The following HLCS variants were observed in gnomAD, a reference collection of about 807,000 sequenced individuals.
The protein encoded by HLCS is biotin--protein ligase.
HLCS carries 53 observed loss-of-function variants against 75.0 expected under a neutral mutation model. The observed-to-expected ratio is 0.71, with a 90% CI of 0.57 to 0.89. The LOEUF (loss-of-function observed/expected upper bound fraction) is 0.89. Among genes scored for constraint, HLCS ranks in the 40% least tolerant of loss-of-function variants. HLCS has a pLI of 0.00. For missense variants in HLCS, 966 were observed against 1,074.0 expected (o/e 0.90, Z 1.41); for synonymous variants, 431 against 428.6 (o/e 1.01, Z -0.07).
chr21:36,943,402 TG>T, intron 2 of HLCS: 1 of 153,518 alleles, frequency 6.5e-6, no homozygotes, highest in Non-Finnish European at 1.5e-5. Flanking sequence ...CAGAAAGATA[TG>T]GTCTCCAAAA....
intron 6 of HLCS, among the ~76,000 whole-genome samples, chr21:36,767,854 G>A (rs1409724706): frequency 6.6e-6 from 1 of 152,190 alleles, no homozygotes; most frequent in Non-Finnish European, 1.5e-5. Context: ...GAGGACGCAG[G>A]AGAACTCTGC....
intron 5 of HLCS, among the ~76,000 whole-genome samples, chr21:36,909,250 T>C (rs1405756275): frequency 6.6e-6 from 1 of 152,236 alleles, no homozygotes; most frequent in Non-Finnish European, 1.5e-5. Flanking sequence ...ATGTTCTGTG[T>C]CTTGATTGTA....
intron 6 of HLCS, among the ~76,000 whole-genome samples, chr21:36,793,295 C>CTTTTTTTTTTTTTTTTTTTTT (rs761549990): frequency 3.4e-5 from 4 of 116,248 alleles, no homozygotes; most frequent in African/African-American, 9.6e-5. Flanking sequence ...AGGAAGCAGT[C>CTTTTTTTTTTTTTTTTTTTTT]TTTTTTTTTT....
chr21:36,885,067 A>G (rs1261068972), intron 6 of HLCS, among the ~76,000 whole-genome samples: 1 of 152,252 alleles, frequency 6.6e-6, no homozygotes, highest in Non-Finnish European at 1.5e-5. Context: ...GAGAAACACA[A>G]ACATGGACAA....
chr21:36,960,403 A>C (rs2068228627), intron 2 of HLCS, among the ~76,000 whole-genome samples: 1 of 152,062 alleles, frequency 6.6e-6, no homozygotes, highest in Non-Finnish European at 1.5e-5. Context: ...GGCTCAATAA[A>C]TGGCTTATTA....
chr21:36,774,913 A>T (rs931435119), intron 6 of HLCS, among the ~76,000 whole-genome samples: 10 of 152,208 alleles, frequency 6.6e-5, no homozygotes, highest in African/African-American at 2.4e-4. Context: ...TTTTATTGAT[A>T]TATTCTTCCA....
At chr21:36,984,370 T>G (rs1426737572) in intron 1 of HLCS, among the ~76,000 whole-genome samples, 1 of 152,144 alleles carries the variant, frequency 6.6e-6, no homozygotes, top group African/African-American at 2.4e-5. Context: ...AATAAACTAA[T>G]AATAAAATTA....
intron 6 of HLCS, among the ~76,000 whole-genome samples, chr21:36,862,573 T>C (rs988217582): frequency 6.6e-6 from 1 of 152,248 alleles, no homozygotes; most frequent in Non-Finnish European, 1.5e-5. Flanking sequence ...ATAAATCTAT[T>C]TTCCTTTACA....
intron 5 of HLCS, among the ~76,000 whole-genome samples, chr21:36,899,083 G>A (rs749391734): frequency 2.0e-5 from 3 of 152,006 alleles, no homozygotes; most frequent in Non-Finnish European, 4.4e-5. Context: ...AAGTACTGTG[G>A]TGACATAGGA....
intron 6 of HLCS, among the ~76,000 whole-genome samples, chr21:36,854,908 C>T (rs566649347): frequency 3.3e-4 from 50 of 152,252 alleles, no homozygotes; most frequent in African/African-American, 1.0e-3. Context: ...TTCTGTACAG[C>T]GGTATTAAAC....
intron 2 of HLCS, chr21:36,947,371 G>C (rs1211652141): frequency 1.0e-6 from 1 of 985,198 alleles, no homozygotes; most frequent in Non-Finnish European, 1.2e-6. Flanking sequence ...TGGTCCATGA[G>C]CCATGGACCA....
intron 6 of HLCS, among the ~76,000 whole-genome samples, chr21:36,817,055 C>G (rs1334757511): frequency 6.6e-6 from 1 of 152,186 alleles, no homozygotes; most frequent in Non-Finnish European, 1.5e-5. Context: ...CAGGCTGCTG[C>G]AGGAACTTTT....
chr21:36,863,988 G>A (rs1241848787), intron 6 of HLCS, among the ~76,000 whole-genome samples: 1 of 152,302 alleles, frequency 6.6e-6, no homozygotes, highest in East Asian at 1.9e-4. Context: ...AGTTGCAAAG[G>A]ATGCAATTTC....
At chr21:36,840,966 A>AG (rs1285608723) in intron 6 of HLCS, among the ~76,000 whole-genome samples, 3 of 151,950 alleles carry the variant, frequency 2.0e-5, no homozygotes, top group Non-Finnish European at 4.4e-5. Flanking sequence ...AAAATCCATG[A>AG]GGATTTTTGT....
chr21:36,986,040 G>A (rs2069222535), intron 1 of HLCS, among the ~76,000 whole-genome samples: 1 of 152,168 alleles, frequency 6.6e-6, no homozygotes, highest in South Asian at 2.1e-4. Flanking sequence ...TATTCCCCAA[G>A]TGCATGTGTT....
chr21:36,782,745 G>A (rs147815082), intron 6 of HLCS, among the ~76,000 whole-genome samples: 40 of 152,272 alleles, frequency 2.6e-4, no homozygotes, highest in Non-Finnish European at 4.7e-4. Flanking sequence ...GAGGCAGGTG[G>A]ATCACCTGAG....
At chr21:36,966,997 C>T (rs1705499878), upstream of HLCS, among the ~76,000 whole-genome samples, 2 of 150,992 alleles carry the variant, frequency 1.3e-5, no homozygotes, top group Non-Finnish European at 3.0e-5. Flanking sequence ...TGCGGGGCCG[C>T]GCCAGGGCTG....
At chr21:36,811,680 G>C (rs1388759734) in intron 6 of HLCS, among the ~76,000 whole-genome samples, 1 of 152,182 alleles carries the variant, frequency 6.6e-6, no homozygotes, top group African/African-American at 2.4e-5. Context: ...ATGTGGTTCA[G>C]AAGTCAAATA....
chr21:36,970,331 C>G (rs1463834510), upstream of HLCS, among the ~76,000 whole-genome samples: 1 of 152,142 alleles, frequency 6.6e-6, no homozygotes, highest in Non-Finnish European at 1.5e-5. Context: ...CTCGTGGGCT[C>G]AAGCAATCCT....
Sources: allele counts gnomAD v4.1 joint callset (sites outside exome capture counted in the v4.1 genomes callset), GRCh38; gene constraint gnomAD v4.1.1; transcripts MANE v1.5; gene names NCBI Gene and HGNC (gene_info 2026-07-23, HGNC 2026-07-21).